Variants in XKR6 observed in about 807,000 individuals in gnomAD.
XKR6 encodes XK-related protein 6.
In XKR6, 22 loss-of-function variants were observed where a neutral mutation model predicts 56.7. The ratio of observed to expected loss-of-function variants is 0.39; its 90% CI spans 0.28 to 0.55. The LOEUF is 0.55. Ranked by LOEUF, XKR6 falls within the 20% of genes least tolerant of loss-of-function variation. XKR6 has a pLI of 0.66. For missense variants in XKR6, 852 were observed against 889.0 expected, an observed-to-expected ratio of 0.96 and a Z score of 0.53; for synonymous variants, 524 against 387.8, an observed-to-expected ratio of 1.35 and a Z score of -4.13.
chr8:10,950,339 A>G (rs1003088773), intron 1 of XKR6, among the ~76,000 whole-genome samples: 1 of 152,206 alleles, frequency 6.6e-6, no homozygotes, highest in Non-Finnish European at 1.5e-5. Context: ...TCATCTTCCC[A>G]GGGAGCACAA....
chr8:11,008,480 G>A (rs1034181562), intron 1 of XKR6, among the ~76,000 whole-genome samples: 1 of 145,748 alleles, frequency 6.9e-6, no homozygotes, highest in African/African-American at 2.6e-5. Flanking sequence ...GAACGCAGAG[G>A]CACAATCTTT....
chr8:11,112,868 A>G (rs752089327), intron 1 of XKR6, among the ~76,000 whole-genome samples: 31 of 152,248 alleles, frequency 2.0e-4, no homozygotes, highest in Admixed American at 1.0e-3. Context: ...ACATGAAGAA[A>G]AAGAACACAT....
chr8:11,174,046 T>C (rs993508795), intron 1 of XKR6, among the ~76,000 whole-genome samples: 2 of 152,250 alleles, frequency 1.3e-5, no homozygotes, highest in Admixed American at 6.5e-5. Flanking sequence ...ATGTATTTCC[T>C]TTGTACATTT....
intron 1 of XKR6, among the ~76,000 whole-genome samples, chr8:11,140,120 T>C (rs1266213140): frequency 1.4e-5 from 2 of 145,108 alleles, no homozygotes; most frequent in Non-Finnish European, 3.0e-5. Context: ...AAGAAGAAAA[T>C]TTTTTAATTA....
At chr8:11,132,752 T>TAC (rs1314341998) in intron 1 of XKR6, among the ~76,000 whole-genome samples, 1 of 121,266 alleles carries the variant, frequency 8.2e-6, no homozygotes, top group South Asian at 2.4e-4. Flanking sequence ...CCTTCATTCA[T>TAC]ACACACACAC....
At chr8:11,122,949 T>C (rs756444505) in intron 1 of XKR6, among the ~76,000 whole-genome samples, 1 of 152,184 alleles carries the variant, frequency 6.6e-6, no homozygotes, top group Non-Finnish European at 1.5e-5. Context: ...AAAAAGCCCA[T>C]GCCTCTGCCG....
intron 1 of XKR6, among the ~76,000 whole-genome samples, chr8:11,021,851 A>T (rs1798756504): frequency 1.3e-5 from 2 of 152,022 alleles, no homozygotes. Context: ...TGTCTCCCTG[A>T]CCTTGGCTTC....
At position 10,897,054 on chromosome 8, in the gene XKR6, A is replaced by T; in HGVS notation, c.*898T>A. ...GCTTTAGAATATCCTGTCCTTACCGAATTATTGCGGTGGCTTTTTGTTTTG... is the reference window on the plus strand; with the variant it reads ...GCTTTAGAATATCCTGTCCTTACCGTATTATTGCGGTGGCTTTTTGTTTTG... On this transcript the variant is annotated 3_prime_UTR_variant, in exon 3 of 3. Coordinates refer to ENST00000416569, the MANE Select transcript of XKR6 (RefSeq NM_173683.4). The T allele has an allele frequency of 6.6e-6, 1 of 152,552 alleles. No individual in the cohort carries two copies. The highest frequency in any genetic ancestry group is 1.9e-4 in the East Asian group (1 of 5,198). 9.4% of individuals were successfully genotyped at this position (152,552 alleles called of 1,614,324 possible).
At chr8:10,915,860 G>A (rs1432515350) in intron 2 of XKR6, among the ~76,000 whole-genome samples, 1 of 152,226 alleles carries the variant, frequency 6.6e-6, no homozygotes, top group South Asian at 2.1e-4. Context: ...GGTCTGTGCT[G>A]CGTCTCTCTC....
intron 1 of XKR6, among the ~76,000 whole-genome samples, chr8:11,016,398 G>A (rs1409220984): frequency 6.6e-6 from 1 of 152,200 alleles, no homozygotes; most frequent in Non-Finnish European, 1.5e-5. Flanking sequence ...GGGGACTCGG[G>A]GTCCTAGTGC....
At chr8:10,978,077 T>C (rs1802620536) in intron 1 of XKR6, among the ~76,000 whole-genome samples, 1 of 152,078 alleles carries the variant, frequency 6.6e-6, no homozygotes, top group Non-Finnish European at 1.5e-5. Flanking sequence ...ATGATGGAAA[T>C]GGAAAGCAAC....
intron 1 of XKR6, among the ~76,000 whole-genome samples, chr8:11,194,256 G>T (rs751908292): frequency 2.6e-5 from 4 of 152,194 alleles, no homozygotes; most frequent in Non-Finnish European, 5.9e-5. Context: ...TTAACTGCTT[G>T]TTTGATAAAT....
At chr8:11,169,113 A>T (rs543843530) in intron 1 of XKR6, among the ~76,000 whole-genome samples, 1 of 152,202 alleles carries the variant, frequency 6.6e-6, no homozygotes, top group Non-Finnish European at 1.5e-5. Flanking sequence ...CTCCAAGACC[A>T]GTCAGCACAT....
chr8:10,938,261 G>A (rs987203450), intron 1 of XKR6, among the ~76,000 whole-genome samples: 3 of 152,220 alleles, frequency 2.0e-5, no homozygotes, highest in South Asian at 2.1e-4. Flanking sequence ...GCTTCGGCTC[G>A]CGCACGGTGC....
chr8:11,009,953 C>T (rs1277934984), intron 1 of XKR6, among the ~76,000 whole-genome samples: 1 of 152,118 alleles, frequency 6.6e-6, no homozygotes, highest in Admixed American at 6.5e-5. Flanking sequence ...AAGTGTTTAT[C>T]AAAAATAAAA....
At chr8:11,197,535 A>G (rs149905825) in intron 1 of XKR6, among the ~76,000 whole-genome samples, 110 of 152,378 alleles carry the variant, frequency 7.2e-4, no homozygotes, top group African/African-American at 2.6e-3. Context: ...AGTGATTCAC[A>G]TGCCAGTTAT....
intron 1 of XKR6, among the ~76,000 whole-genome samples, chr8:10,925,812 A>G (rs936704447): frequency 3.3e-5 from 5 of 152,076 alleles, no homozygotes; most frequent in Non-Finnish European, 7.4e-5. Context: ...CCCAGCCTCA[A>G]TTTCACCGGA....
chr8:11,032,464 T>A (rs977542456), intron 1 of XKR6, among the ~76,000 whole-genome samples: 1 of 152,090 alleles, frequency 6.6e-6, no homozygotes, highest in African/African-American at 2.4e-5. Context: ...TATTTTCACA[T>A]GAGTTTAGAT....
chr8:11,076,040 T>C (rs777813184), intron 1 of XKR6, among the ~76,000 whole-genome samples: 2 of 152,124 alleles, frequency 1.3e-5, no homozygotes, highest in Admixed American at 6.5e-5. Context: ...TATTCAGCCA[T>C]AAAAAGGAAG....
Sources: allele counts gnomAD v4.1 joint callset (sites outside exome capture counted in the v4.1 genomes callset), GRCh38; gene constraint gnomAD v4.1.1; transcripts MANE v1.5; gene names NCBI Gene and HGNC (gene_info 2026-07-23, HGNC 2026-07-21).